Variants in ABHD2 observed in about 807,000 individuals in gnomAD.
ABHD2 encodes monoacylglycerol lipase ABHD2.
Under a neutral mutation model 48.1 loss-of-function variants are expected in ABHD2, and 20 were observed. The ratio of observed to expected loss-of-function variants is 0.42; its 90% CI spans 0.29 to 0.60. The LOEUF is 0.60. Among genes scored for constraint, ABHD2 ranks in the 20% least tolerant of loss-of-function variants. The probability of loss-of-function intolerance (pLI) is 0.24; values close to 1 mark genes in which losing one functional copy is unlikely to be tolerated. For missense variants in ABHD2, 405 were observed against 550.9 expected (o/e 0.74, Z 2.65); for synonymous variants, 209 against 214.2 (o/e 0.98, Z 0.21).
At position 89,188,103 on chromosome 15, in the gene ABHD2, C is replaced by G; in HGVS notation, c.816-90C>G. 4 of 1,125,278 alleles carry G rather than the reference C, an allele frequency of 3.6e-6. No individual in the cohort carries two copies. Among genetic ancestry groups the G allele is most frequent in the East Asian group, 4.7e-5 (2 of 42,114 alleles). The allele number at this position is 1,125,278 out of a possible 1,614,324, so 69.7% of individuals were successfully genotyped here. On this transcript the variant is annotated intron_variant, in intron 7 of 10. Coordinates refer to ENST00000352732, the MANE Select transcript of ABHD2 (RefSeq NM_152924.5). The surrounding 1 kb of genome is among the most constrained non-coding windows in gnomAD (Gnocchi z 4.1). ...TTCTAACTGACCACGTTGGCTCTCC[C>G]TCCTGGCTTGCTGTGGCAAGGAAGC...
Position 89,097,683 on chromosome 15 carries a change from T to C in ABHD2, c.-107+9120T>C, listed in dbSNP as rs1444214896. 1.3e-5 allele frequency among the ~76,000 whole-genome samples: 2 copies of C among 152,226 alleles called. No individual in the cohort carries two copies. Among genetic ancestry groups the C allele is most frequent in the African/African-American group, 2.4e-5 (1 of 41,470 alleles). On this transcript the variant is annotated intron_variant, in intron 1 of 10. Transcript: ENST00000352732. The surrounding 1 kb of genome is among the most constrained non-coding windows in gnomAD (Gnocchi z 4.2). ...GTTATAACATTCAAAAGGTACAACA[T>C]AGTAAAGAGTGGAAAACTTCCTCCC...
chr15:89,174,186 C>CATA lies in ABHD2; in HGVS notation c.539-1622_539-1620dup, dbSNP rs2050973490. The stretch of plus-strand genomic sequence containing the variant: ...TAGGGCAGTTTCAAGTGTATTGATG[C>CATA]ATAATATTGCCAGACATATTGTAAA... On this transcript the variant is annotated intron_variant, in intron 5 of 10. Transcript: ENST00000352732. The surrounding 1 kb of genome is among the most constrained non-coding windows in gnomAD (Gnocchi z 4.1). Among the ~76,000 whole-genome samples, 1 of 151,990 alleles carries CATA rather than the reference C, an allele frequency of 6.6e-6. No individual in the cohort carries two copies. The highest frequency in any genetic ancestry group is 2.4e-5 in the African/African-American group (1 of 41,358).
At chr15:89,169,272 G>A (rs1596140158) in intron 5 of ABHD2, among the ~76,000 whole-genome samples, 1 of 152,086 alleles carries the variant, frequency 6.6e-6, no homozygotes, top group South Asian at 2.1e-4. Flanking sequence ...GAGTAGACAC[G>A]GTCATGAGTA....
chr15:89,132,538 A>G (rs2050237109), intron 3 of ABHD2, among the ~76,000 whole-genome samples: 1 of 152,260 alleles, frequency 6.6e-6, no homozygotes, highest in Non-Finnish European at 1.5e-5. Flanking sequence ...TGAAAAGGAA[A>G]CAAAAATGAG....
At position 89,100,176 on chromosome 15, in the gene ABHD2, G is replaced by A. The variant is rs1006730444; in HGVS notation, c.-107+11613G>A. ...CAAGACCAGACTAACCAGGCTTGAG[G>A]ACCCAGACATTTGGCTCTGGACTGG... On this transcript the variant is annotated intron_variant, in intron 1 of 10. Coordinates refer to ENST00000352732, the MANE Select transcript of ABHD2 (RefSeq NM_152924.5). This position sits in a 1 kb window ranked among gnomAD's most constrained non-coding sequence, Gnocchi z 4.4. Among the ~76,000 whole-genome samples, 2 of 152,144 alleles carry A rather than the reference G, an allele frequency of 1.3e-5. No individual in the cohort carries two copies. The highest frequency in any genetic ancestry group is 4.8e-5 in the African/African-American group (2 of 41,416).
chr15:89,135,143 C>CTTTTTTT (rs3049683), intron 3 of ABHD2, among the ~76,000 whole-genome samples: 2 of 112,174 alleles, frequency 1.8e-5, no homozygotes, highest in African/African-American at 3.2e-5. Context: ...ACAACTTTTT[C>CTTTTTTT]TTTTTTTTTT....
At chr15:89,078,099 C>T in the ABHD2 span, among the ~76,000 whole-genome samples, 1 of 152,300 alleles carries the variant, frequency 6.6e-6, no homozygotes, top group South Asian at 2.1e-4. Context: ...TTCTCTCTTT[C>T]TTGCACCCCA....
At chr15:89,108,138 G>T (rs1455681628) in intron 1 of ABHD2, among the ~76,000 whole-genome samples, 1 of 152,178 alleles carries the variant, frequency 6.6e-6, no homozygotes, top group African/African-American at 2.4e-5. Context: ...AGCCACTAAG[G>T]ACAGGAGCGT....
At chr15:89,055,523 T>C in the ABHD2 span, among the ~76,000 whole-genome samples, 1 of 152,024 alleles carries the variant, frequency 6.6e-6, no homozygotes, top group Admixed American at 6.6e-5. Flanking sequence ...TTTGTAGAGA[T>C]GAGATTTCAC....
intron 5 of ABHD2, among the ~76,000 whole-genome samples, chr15:89,165,205 G>A (rs576088334): frequency 4.6e-5 from 7 of 152,262 alleles, no homozygotes; most frequent in Non-Finnish European, 8.8e-5. Context: ...CAAAGCCACT[G>A]GCTTCTATAT....
At chr15:89,133,374 C>T (rs8027434) in intron 3 of ABHD2, among the ~76,000 whole-genome samples, 4,581 of 152,208 alleles carry the variant, frequency 0.03, 228 homozygotes, top group African/African-American at 0.1. Context: ...CATCACGATG[C>T]GCACCTGTCA....
At chr15:89,121,936 C>T (rs1401372150) in intron 3 of ABHD2, among the ~76,000 whole-genome samples, 2 of 152,188 alleles carry the variant, frequency 1.3e-5, no homozygotes, top group African/African-American at 4.8e-5. Context: ...TCAAGCTATC[C>T]TCCTGCCTGT....
the ABHD2 span, among the ~76,000 whole-genome samples, chr15:89,064,314 G>T: frequency 1.3e-5 from 2 of 150,380 alleles, no homozygotes; most frequent in African/African-American, 2.5e-5. Context: ...CTGCCTCCCG[G>T]GTTTAAGCGA....
the ABHD2 span, among the ~76,000 whole-genome samples, chr15:89,070,810 G>T: frequency 1.3e-5 from 2 of 152,074 alleles, no homozygotes; most frequent in African/African-American, 4.8e-5. Context: ...ATCATAAGGG[G>T]CCCCCTATCC....
At chr15:89,093,189 T>A (rs898792741) in intron 1 of ABHD2, among the ~76,000 whole-genome samples, 1 of 145,804 alleles carries the variant, frequency 6.9e-6, no homozygotes, top group African/African-American at 2.5e-5. Context: ...TTTTTTTTTT[T>A]TTTTTTTTGA....
the ABHD2 span, among the ~76,000 whole-genome samples, chr15:89,054,596 G>T: frequency 1.3e-5 from 2 of 151,796 alleles, no homozygotes; most frequent in African/African-American, 4.8e-5. Flanking sequence ...CAGGAGAATC[G>T]TTTGAACCCA....
chr15:89,194,230 G>T lies in ABHD2; in HGVS notation c.1081+911G>T, dbSNP rs558696106. ...AGAAGCAACTGGGCCAAGTGTGGTG[G>T]CTCATGCCTATAAATCCCAGCACTT... On this transcript the variant is annotated intron_variant, in intron 10 of 10. Transcript: ENST00000352732. Among the ~76,000 whole-genome samples, 3 of 152,262 alleles carry T rather than the reference G, an allele frequency of 2.0e-5. No individual in the cohort carries two copies. The South Asian group carries it at 6.2e-4, about 32-fold the overall frequency.
At position 89,201,846 on chromosome 15, in the gene ABHD2, CG is replaced by C. The variant is rs1402861885; in HGVS notation, c.*6428del. 32 of 976,978 alleles carry C rather than the reference CG, an allele frequency of 3.3e-5. No homozygotes were observed. The East Asian group carries it at 6.6e-4, about 20-fold the overall frequency. The allele number at this position is 976,978 out of a possible 1,614,324, so 60.5% of individuals were successfully genotyped here. ...CAGGGGGCGGCTTGCTCGCTGGGGG[CG>C]GGGGACGATGGCGAGAGGGGAGGGG... is the stretch of plus-strand genomic sequence containing the variant. On this transcript the variant is annotated 3_prime_UTR_variant, in exon 11 of 11. Transcript: ENST00000352732.
the ABHD2 span, among the ~76,000 whole-genome samples, chr15:89,054,077 T>C: frequency 6.6e-6 from 1 of 152,244 alleles, no homozygotes; most frequent in East Asian, 1.9e-4. Flanking sequence ...ATCCCAGCAC[T>C]TTGGGATGCC....
Sources: allele counts gnomAD v4.1 joint callset (sites outside exome capture counted in the v4.1 genomes callset), GRCh38; gene constraint gnomAD v4.1.1; non-coding constraint Gnocchi (gnomAD v3.1); transcripts MANE v1.5; gene names NCBI Gene and HGNC (gene_info 2026-07-23, HGNC 2026-07-21).